FSTL5: variants seen among roughly 807,000 people sequenced by gnomAD.
The protein encoded by FSTL5 is follistatin-related protein 5.
FSTL5 carries 62 observed loss-of-function variants against 89.1 expected under a neutral mutation model. The ratio of observed to expected loss-of-function variants is 0.70; its 90% CI spans 0.57 to 0.86. The LOEUF (loss-of-function observed/expected upper bound fraction) is 0.86. Among genes scored for constraint, FSTL5 ranks in the 40% least tolerant of loss-of-function variants. The pLI is 0.00. For missense variants in FSTL5, 1,057 were observed against 1,001.6 expected, an observed-to-expected ratio of 1.06 and a Z score of -0.75; for synonymous variants, 383 against 346.2, an observed-to-expected ratio of 1.11 and a Z score of -1.18.
intron 8 of FSTL5, among the ~76,000 whole-genome samples, 161 bp downstream of exon 8, chr4:161,587,292 TTG>T (rs965842046): frequency 6.6e-5 from 10 of 151,836 alleles, no homozygotes; most frequent in Non-Finnish European, 1.5e-4. Context: ...CTTGGAAATT[TTG>T]TGTTTTTTTT....
At chr4:161,697,891 T>C (rs1411595319) in intron 6 of FSTL5, among the ~76,000 whole-genome samples, 4 of 152,098 alleles carry the variant, frequency 2.6e-5, no homozygotes, top group Admixed American at 6.6e-5. Context: ...GCTGCCATAA[T>C]TTATCAAGAA....
intron 4 of FSTL5, among the ~76,000 whole-genome samples, chr4:161,865,747 G>T (rs1273467277): frequency 6.6e-6 from 1 of 152,090 alleles, no homozygotes; most frequent in East Asian, 1.9e-4. Context: ...ATTCTCCTTA[G>T]ATTGCTATAT....
In FSTL5 at chr4:161,460,678, T is replaced by C. The variant is rs572783161; in HGVS notation, c.1609-1359A>G. On this transcript the variant is annotated intron_variant, in intron 13 of 15. Transcript: ENST00000306100. Reference sequence around the variant, plus strand: ...TGCCCTTCATTTTGCCTATTTAACATTCTCAGTATTCTTGGATTACTGGAA... The same window carrying C: ...TGCCCTTCATTTTGCCTATTTAACACTCTCAGTATTCTTGGATTACTGGAA... Among the ~76,000 whole-genome samples, 6 of 152,316 alleles carry C rather than the reference T, an allele frequency of 3.9e-5. No individual in the cohort carries two copies. In the East Asian group the frequency reaches 1.2e-3, roughly 29 times the overall value.
chr4:162,022,402 C>A (rs1401826124), intron 3 of FSTL5, among the ~76,000 whole-genome samples: 1 of 151,572 alleles, frequency 6.6e-6, no homozygotes, highest in Non-Finnish European at 1.5e-5. Flanking sequence ...ATCCTCCATA[C>A]CAAGAGTTTT....
intron 15 of FSTL5, among the ~76,000 whole-genome samples, chr4:161,415,797 CAT>C (rs555450232): frequency 2.3e-5 from 3 of 130,506 alleles, no homozygotes; most frequent in African/African-American, 5.7e-5. Context: ...TATATATACA[CAT>C]ATATATATCA....
intron 15 of FSTL5, among the ~76,000 whole-genome samples, chr4:161,449,222 C>T (rs908716005): frequency 6.6e-6 from 1 of 152,150 alleles, no homozygotes; most frequent in Admixed American, 6.5e-5. Context: ...CATACACACA[C>T]ACCCTCCCAA....
intron 4 of FSTL5, among the ~76,000 whole-genome samples, chr4:161,892,482 A>G (rs1733018758): frequency 7.1e-6 from 1 of 141,010 alleles, no homozygotes; most frequent in South Asian, 2.3e-4. Flanking sequence ...ACACCATCAA[A>G]GTTCTTTGCA....
In FSTL5 at chr4:161,480,625, G is replaced by C. The variant is rs530502349; in HGVS notation, c.1608+395C>G. On this transcript the variant is annotated intron_variant, in intron 13 of 15. Transcript: ENST00000306100. Reference sequence around the variant, plus strand: ...ATCTAGTGAAGCCTACAATTGTCTTGGTCTTTGTTAAGAATAAAATAAGGA... The same window carrying C: ...ATCTAGTGAAGCCTACAATTGTCTTCGTCTTTGTTAAGAATAAAATAAGGA... Among the ~76,000 whole-genome samples the C allele has an allele frequency of 1.3e-3, 198 of 152,152 alleles. 1 individual carries two copies. Among genetic ancestry groups the C allele is most frequent in the African/African-American group, 4.3e-3 (179 of 41,512 alleles).
chr4:161,907,710 G>A lies in FSTL5; in HGVS notation c.409+12694C>T, dbSNP rs557313068. The stretch of plus-strand genomic sequence containing the variant: ...TAGGTTTTCAGAGTAAACTTAGTAA[G>A]GTTGACGATGAGGACTTTTTATGGA... On this transcript the variant is annotated intron_variant, in intron 4 of 15. Transcript: ENST00000306100. 2.6e-5 allele frequency among the ~76,000 whole-genome samples: 4 copies of A among 152,158 alleles called. No homozygotes were observed. The South Asian group carries it at 8.3e-4, about 32-fold the overall frequency.
intron 7 of FSTL5, among the ~76,000 whole-genome samples, chr4:161,626,562 C>T (rs976924213): frequency 1.3e-5 from 2 of 152,150 alleles, no homozygotes; most frequent in Non-Finnish European, 2.9e-5. Context: ...TGGAGATGTG[C>T]AAGGATATGA....
intron 15 of FSTL5, among the ~76,000 whole-genome samples, chr4:161,396,690 T>A (rs553586407): frequency 6.8e-6 from 1 of 146,586 alleles, no homozygotes; most frequent in Non-Finnish European, 1.5e-5. Flanking sequence ...AGACGCAATA[T>A]GGGATATAAG....
At chr4:161,560,893 A>C in intron 8 of FSTL5, among the ~76,000 whole-genome samples, 1 of 151,992 alleles carries the variant, frequency 6.6e-6, no homozygotes, top group East Asian at 1.9e-4. Flanking sequence ...AAATGACACT[A>C]AAATGCGTAG....
At chr4:161,482,181 T>A (rs1729532527) in intron 12 of FSTL5, among the ~76,000 whole-genome samples, 1 of 152,084 alleles carries the variant, frequency 6.6e-6, no homozygotes, top group Non-Finnish European at 1.5e-5. Flanking sequence ...CTGGGCGTGG[T>A]GGTGGGCACC....
At chr4:162,120,008 A>G (rs1731791807) in intron 1 of FSTL5, among the ~76,000 whole-genome samples, 1 of 152,156 alleles carries the variant, frequency 6.6e-6, no homozygotes, top group Non-Finnish European at 1.5e-5. Flanking sequence ...AGTAATAAAT[A>G]AAAAGAATTA....
chr4:162,143,342 A>C (rs1732824460), intron 1 of FSTL5, among the ~76,000 whole-genome samples: 1 of 152,124 alleles, frequency 6.6e-6, no homozygotes, highest in Admixed American at 6.5e-5. Flanking sequence ...CATTTGATTT[A>C]ATTCAATTTT....
intron 3 of FSTL5, among the ~76,000 whole-genome samples, chr4:161,992,930 G>T (rs28404924): frequency 1.2e-4 from 1 of 8,040 alleles, no homozygotes; most frequent in Non-Finnish European, 7.9e-4. Context: ...ATATATGTGT[G>T]TATATATATA....
chr4:161,479,453 T>C (rs1729422984), intron 13 of FSTL5, among the ~76,000 whole-genome samples: 1 of 152,112 alleles, frequency 6.6e-6, no homozygotes, highest in South Asian at 2.1e-4. Flanking sequence ...AAACTCAATT[T>C]AAAAACCAGC....
chr4:161,746,455 A>T (rs1740207134), intron 6 of FSTL5, among the ~76,000 whole-genome samples: 1 of 152,142 alleles, frequency 6.6e-6, no homozygotes. Context: ...TTTACAAGCC[A>T]GCTCTCTAAG....
intron 6 of FSTL5, among the ~76,000 whole-genome samples, chr4:161,733,827 G>C (rs906349645): frequency 6.6e-6 from 1 of 151,606 alleles, no homozygotes; most frequent in Admixed American, 6.6e-5. Context: ...ATATTTTCTT[G>C]TATATAAACT....
Sources: allele counts gnomAD v4.1 joint callset (sites outside exome capture counted in the v4.1 genomes callset), GRCh38; gene constraint gnomAD v4.1.1; transcripts MANE v1.5; gene names NCBI Gene and HGNC (gene_info 2026-07-23, HGNC 2026-07-21).